Variants in ARHGEF40 observed in about 807,000 individuals in gnomAD.
ARHGEF40 encodes the protein Rho guanine nucleotide exchange factor (GEF) 40.
ARHGEF40 carries 98 observed loss-of-function variants against 165.9 expected under a neutral mutation model. The observed-to-expected ratio is 0.59, with a 90% CI of 0.50 to 0.70. ARHGEF40 has a LOEUF of 0.70. Ranked by LOEUF, ARHGEF40 falls within the 30% of genes least tolerant of loss-of-function variation. The pLI, the probability that ARHGEF40 is intolerant of heterozygous loss-of-function variation, is 0.00. For missense variants in ARHGEF40, 1,815 were observed against 1,968.0 expected (o/e 0.92, Z 1.47); for synonymous variants, 792 against 814.3 (o/e 0.97, Z 0.47).
At position 21,070,318 on chromosome 14, in the gene ARHGEF40, A is replaced by T. The variant is rs1052845231; in HGVS notation, c.-79A>T. 1.4e-6 allele frequency: 2 copies of T among 1,382,740 alleles called. No homozygotes were observed. The highest frequency in any genetic ancestry group is 1.9e-6 in the Non-Finnish European group (2 of 1,069,666). 85.7% of individuals were successfully genotyped at this position (1,382,740 alleles called of 1,614,324 possible). A position where few individuals can be genotyped will look rare whatever the true frequency, so the allele number is the denominator to read the frequency against. ...GTCCCTTAGCCAGACCCGGCGAGAC[A>T]CGAGCGGCGGGAGGGAGGCGGTGGC... On this transcript the variant is annotated 5_prime_UTR_variant, in exon 1 of 24. Coordinates refer to ENST00000298694, the MANE Select transcript of ARHGEF40 (RefSeq NM_018071.5). The surrounding 1 kb of genome is among the most constrained non-coding windows in gnomAD (Gnocchi z 4.7).
chr14:21,081,641 C>G lies in ARHGEF40; in HGVS notation c.2773C>G (p.Leu925Val). ...SAGTFQEMRA[L>V]ALDLGSPAAL... ...CGGCACCTTCCAGGAGATGCGGGCC[C>G]TGGCCCTGGACCTGGGCAGCCCAGC... The change falls in exon 14 of 24, where the codon CTG (leucine) becomes GTG (valine). Residue 925 changes from leucine (L) to valine (V), a missense_variant. Coordinates refer to ENST00000298694, the MANE Select transcript of ARHGEF40 (RefSeq NM_018071.5). 1 of 1,609,054 alleles carries G rather than the reference C, an allele frequency of 6.2e-7. No homozygotes were observed.
Position 21,089,030 on chromosome 14 carries a change from G to A in ARHGEF40, c.*22G>A. On this transcript the variant is annotated 3_prime_UTR_variant, in exon 24 of 24. Transcript: ENST00000298694. ...GGCTTCTAGAGAAGATCCAGAACTT[G>A]CGTGCAGCTTCTCCTCTCAGCACAC... 1 of 709,794 alleles carries A rather than the reference G, an allele frequency of 1.4e-6. No individual in the cohort carries two copies. The highest frequency in any genetic ancestry group is 2.3e-6 in the Non-Finnish European group (1 of 438,264). The allele number at this position is 709,794 out of a possible 1,614,324, so 44.0% of individuals were successfully genotyped here.
Position 21,076,882 on chromosome 14 carries a change from A to G in ARHGEF40, c.2026A>G (p.Ile676Val), listed in dbSNP as rs140904960. Residue 676 changes from isoleucine to valine, a missense_variant, in exon 8 of 24, where the codon ATA becomes GTA. By Grantham distance (29) the Ile-to-Val change is conservative. Coordinates refer to ENST00000298694, the MANE Select transcript of ARHGEF40 (RefSeq NM_018071.5). Reference sequence around the variant, plus strand: ...CCCCTCTCCCAGTCACTGGGTAGAGATACACCAGGTAAGCTTCCCCTCTAC... The same window carrying G: ...CCCCTCTCCCAGTCACTGGGTAGAGGTACACCAGGTAAGCTTCCCCTCTAC... Reference protein sequence around the residue: ...RDPSPSHWVEIHQEVVRLCRL... With the variant: ...RDPSPSHWVEVHQEVVRLCRL... The G allele has an allele frequency of 1.2e-6, 2 of 1,612,230 alleles. No homozygotes were observed. Among genetic ancestry groups the G allele is most frequent in the African/African-American group, 2.7e-5 (2 of 74,874 alleles).
chr14:21,084,433 T>C (rs1354629191), intron 17 of ARHGEF40, among the ~76,000 whole-genome samples: 2 of 152,228 alleles, frequency 1.3e-5, no homozygotes, highest in Admixed American at 1.3e-4. Context: ...TATCCTCCTC[T>C]GGAATAGACC....
chr14:21,088,177 C>T (rs1335500162), intron 22 of ARHGEF40, 79 bp downstream of exon 22: 2 of 1,500,120 alleles, frequency 1.3e-6, no homozygotes, highest in Non-Finnish European at 1.8e-6. Context: ...TCATTCAACC[C>T]CAGGGGGGTT....
chr14:21,069,372 A>G (rs1886490008), upstream of ARHGEF40, among the ~76,000 whole-genome samples: 1 of 151,804 alleles, frequency 6.6e-6, no homozygotes, highest in Admixed American at 6.6e-5. Context: ...GCCCTGCGGG[A>G]CTCTATAGCC....
At chr14:21,069,718 G>GC (rs1156635304), upstream of ARHGEF40, among the ~76,000 whole-genome samples, 1 of 152,232 alleles carries the variant, frequency 6.6e-6, no homozygotes, top group Non-Finnish European at 1.5e-5. Flanking sequence ...GGGCGGGCAA[G>GC]CCCCCGGGGG....
Position 21,081,963 on chromosome 14 carries a change from C to A in ARHGEF40, c.3095C>A (p.Pro1032Gln). The A allele has an allele frequency of 6.2e-7, 1 of 1,600,850 alleles. No individual in the cohort carries two copies. Among genetic ancestry groups the A allele is most frequent in the Non-Finnish European group, 8.5e-7 (1 of 1,173,762 alleles). Residue 1032 changes from proline (P) to glutamine (Q), a missense_variant, in exon 14 of 24, where the codon CCA (proline) becomes CAA (glutamine). Coordinates refer to ENST00000298694, the MANE Select transcript of ARHGEF40 (RefSeq NM_018071.5). ...GCTCCAGAAGCAGAGGGCAGGCCCC[C>A]AAGAGCTGTGCTGATCCGAGGCCTG... ...ELAPEAEGRP[P>Q]RAVLIRGLEV...
chr14:21,085,889 G>A, intron 19 of ARHGEF40, 23 bp downstream of exon 19: 3 of 1,611,570 alleles, frequency 1.9e-6, no homozygotes, highest in South Asian at 2.2e-5. Context: ...GCTGAGGAAG[G>A]GGGTGCTTGG....
chr14:21,087,255 A>T (rs1888417970), intron 20 of ARHGEF40, 65 bp from the exon 21 acceptor site: 1 of 1,585,278 alleles, frequency 6.3e-7, no homozygotes, highest in South Asian at 1.1e-5. Flanking sequence ...ACTGAGGGTC[A>T]TTCCAGGGAG....
Position 21,082,007 on chromosome 14 carries a change from G to T in ARHGEF40, c.3139G>T (p.Val1047Leu), listed in dbSNP as rs1054233096. 6.3e-7 allele frequency: 1 copy of T among 1,577,132 alleles called. No homozygotes were observed. The highest frequency in any genetic ancestry group is 8.6e-7 in the Non-Finnish European group (1 of 1,161,108). ...IRGLEVTSTE[V>L]VDRTCSPREH... ...AGGCCTGGAGGTCACCAGCACTGAG[G>T]TGGTAGACAGGACGTGCTCACCACG... is the stretch of plus-strand genomic sequence containing the variant. The change falls in exon 14 of 24, where the codon GTG (valine) becomes TTG (leucine). Residue 1047 changes from valine to leucine, a missense_variant. By Grantham distance (32) the Val-to-Leu change is conservative. Transcript: ENST00000298694.
At position 21,073,963 on chromosome 14, in the gene ARHGEF40, A is replaced by G. The variant is rs926119213; in HGVS notation, c.233A>G (p.Glu78Gly). The G allele has an allele frequency of 1.2e-6, 2 of 1,608,342 alleles. No homozygotes were observed. The highest frequency in any genetic ancestry group is 1.3e-5 in the African/African-American group (1 of 74,774). ...AQYSGFLFFH[E>G]GWPLCLHEQV... ...TACAGTGGATTCCTCTTCTTCCATG[A>G]GGGGTGGCCGCTCTGCCTGCATGAA... The change falls in exon 3 of 24, where the codon GAG (glutamate) becomes GGG (glycine). Residue 78 changes from glutamate to glycine, a missense_variant. Physicochemically the swap from Glu to Gly is moderately conservative, Grantham distance 98. Transcript: ENST00000298694. The surrounding 1 kb of genome is among the most constrained non-coding windows in gnomAD (Gnocchi z 4.6).
chr14:21,070,264 C>CG, upstream of ARHGEF40: 1 of 982,628 alleles, frequency 1.0e-6, no homozygotes, highest in Non-Finnish European at 1.3e-6. This position sits in a 1 kb window ranked among gnomAD's most constrained non-coding sequence, Gnocchi z 4.7. Flanking sequence ...GAAGCCGGAG[C>CG]GGGCCGAGCC....
intron 5 of ARHGEF40, among the ~76,000 whole-genome samples, chr14:21,076,083 G>A (rs1887393723): frequency 6.6e-6 from 1 of 152,172 alleles, no homozygotes; most frequent in Non-Finnish European, 1.5e-5. Context: ...GGCTGATATT[G>A]AATGCACGCC....
intron 1 of ARHGEF40, among the ~76,000 whole-genome samples, chr14:21,071,546 T>C (rs999621810): frequency 2.6e-5 from 4 of 152,172 alleles, no homozygotes; most frequent in Admixed American, 6.5e-5. Context: ...GTCTCCTCTC[T>C]GGTCCCCGCC....
upstream of ARHGEF40, among the ~76,000 whole-genome samples, chr14:21,068,661 T>G (rs549213573): frequency 2.6e-5 from 4 of 152,292 alleles, no homozygotes; most frequent in South Asian, 6.2e-4. Context: ...GCCCTCGTAA[T>G]AGAGAACCTG....
chr14:21,073,075 A>G lies in ARHGEF40; in HGVS notation c.34A>G (p.Ser12Gly), dbSNP rs1238542725. 1 of 1,614,100 alleles carries G rather than the reference A, an allele frequency of 6.2e-7. No homozygotes were observed. The highest frequency in any genetic ancestry group is 1.7e-5 in the Admixed American group (1 of 60,020). Residue 12 changes from serine to glycine, a missense_variant, in exon 2 of 24, where the codon AGC (serine) becomes GGC (glycine). Ser to Gly is a moderately conservative substitution (Grantham distance 56, BLOSUM62 0). Coordinates refer to ENST00000298694, the MANE Select transcript of ARHGEF40 (RefSeq NM_018071.5). This position sits in a 1 kb window ranked among gnomAD's most constrained non-coding sequence, Gnocchi z 4.6. The stretch of plus-strand genomic sequence containing the variant: ...TGAGCCAGTGGAGGACTGTGTGCAG[A>G]GCACTCTCGCCGCCCTGTATCCACC... ...EPEPVEDCVQ[S>G]TLAALYPPFE...
intron 15 of ARHGEF40, 57 bp from the exon 16 acceptor site, chr14:21,082,774 G>C: frequency 2.0e-6 from 3 of 1,537,550 alleles, no homozygotes; most frequent in Non-Finnish European, 2.7e-6. Flanking sequence ...GGGGAAGAGA[G>C]AGGCTTGTCT....
At chr14:21,070,269 C>G (rs1051254593), upstream of ARHGEF40, 1 of 1,040,528 alleles carries the variant, frequency 9.6e-7, no homozygotes, top group Non-Finnish European at 1.2e-6. The surrounding 1 kb of genome is among the most constrained non-coding windows in gnomAD (Gnocchi z 4.7). Flanking sequence ...CGGAGCGGGC[C>G]GAGCCGCCAC....
Sources: allele counts gnomAD v4.1 joint callset (sites outside exome capture counted in the v4.1 genomes callset), GRCh38; gene constraint gnomAD v4.1.1; non-coding constraint Gnocchi (gnomAD v3.1); transcripts MANE v1.5; gene names NCBI Gene and HGNC (gene_info 2026-07-23, HGNC 2026-07-21).